Variants in IRS1 observed in about 807,000 individuals in gnomAD.
The protein encoded by IRS1 is insulin receptor substrate 1.
A neutral mutation model predicts 65.6 loss-of-function variants in IRS1; 34 were observed. The observed-to-expected ratio is 0.52, with a 90% confidence interval of 0.39 to 0.69. The LOEUF is 0.69. Among genes scored for constraint, IRS1 ranks in the 30% least tolerant of loss-of-function variants. IRS1 has a pLI of 0.00. For synonymous variants in IRS1, 699 were observed against 683.5 expected (o/e 1.02, Z -0.35); for missense variants, 1,641 against 1,720.2 (o/e 0.95, Z 0.81).
chr2:226,744,940 T>TAAA (rs965372046), intron 1 of IRS1, among the ~76,000 whole-genome samples: 2 of 145,652 alleles, frequency 1.4e-5, no homozygotes, highest in Non-Finnish European at 3.0e-5. Context: ...AACTGTTCTT[T>TAAA]AAAAAAAAAA....
chr2:226,791,660 G>C (rs1033200456), intron 1 of IRS1, among the ~76,000 whole-genome samples: 1 of 151,580 alleles, frequency 6.6e-6, no homozygotes, highest in Non-Finnish European at 1.5e-5. Context: ...ACCGCCAGGG[G>C]ACCCGCGGAG....
Position 226,795,665 on chromosome 2 carries a change from C to T in IRS1, c.3074G>A (p.Ser1025Asn), listed in dbSNP as rs748859206. 33 of 1,612,988 alleles carry T rather than the reference C, an allele frequency of 2.0e-5. No homozygotes were observed. The South Asian group carries it at 3.2e-4, about 16-fold the overall frequency. ...MRTGIAAEEV[S>N]LPRATMAAAS... ...AGCAGCCATGGTGGCCCTGGGCAGGCTCACCTCCTCTGCAGCAATGCCTGT... is the reference window on the plus strand; with the variant it reads ...AGCAGCCATGGTGGCCCTGGGCAGGTTCACCTCCTCTGCAGCAATGCCTGT... Residue 1025 changes from serine to asparagine, a missense_variant, in exon 1 of 2, where the codon AGC becomes AAC. Around this residue, in one of 3 missense-constraint regions of IRS1, gnomAD observed 1,324 missense variants for 1,361.0 expected, o/e 0.97. Coordinates refer to ENST00000305123, the MANE Select transcript of IRS1 (RefSeq NM_005544.3).
chr2:226,778,357 T>G (rs1157616486), intron 1 of IRS1, among the ~76,000 whole-genome samples: 2 of 152,196 alleles, frequency 1.3e-5, no homozygotes, highest in Non-Finnish European at 2.9e-5. Context: ...AAAGCTGTTA[T>G]CCACTAGAAA....
intron 1 of IRS1, among the ~76,000 whole-genome samples, chr2:226,760,878 G>T (rs1304529743): frequency 6.6e-6 from 1 of 152,172 alleles, no homozygotes; most frequent in African/African-American, 2.4e-5. Flanking sequence ...TGCCATCAAA[G>T]CTGTCTGAAG....
In IRS1 at chr2:226,799,640, T is replaced by C; in HGVS notation, c.-902A>G. On this transcript the variant is annotated 5_prime_UTR_variant, in exon 1 of 2. Coordinates refer to ENST00000305123, the MANE Select transcript of IRS1 (RefSeq NM_005544.3). The surrounding 1 kb of genome is among the most constrained non-coding windows in gnomAD (Gnocchi z 6.1). ...CCTGTTCCTCGGGAGGCGCTGCCGCTGCAGTTACTTCTCCCCTCCTCCCTC... is the reference window on the plus strand; with the variant it reads ...CCTGTTCCTCGGGAGGCGCTGCCGCCGCAGTTACTTCTCCCCTCCTCCCTC... The C allele has an allele frequency of 1.0e-6, 1 of 1,003,020 alleles. No homozygotes were observed. The allele number at this position is 1,003,020 out of a possible 1,614,324, so 62.1% of individuals were successfully genotyped here. A position where few individuals can be genotyped will look rare whatever the true frequency, so the allele number is the denominator to read the frequency against.
At chr2:226,773,497 T>C (rs537385278) in intron 1 of IRS1, among the ~76,000 whole-genome samples, 1 of 152,030 alleles carries the variant, frequency 6.6e-6, no homozygotes, top group South Asian at 2.1e-4. Context: ...GGAATTCTAC[T>C]GCAAGAATTA....
chr2:226,768,697 C>G (rs534223815), intron 1 of IRS1, among the ~76,000 whole-genome samples: 1 of 152,150 alleles, frequency 6.6e-6, no homozygotes. Flanking sequence ...CTTGTAGTGG[C>G]GCTATCTCGG....
At chr2:226,785,594 C>A (rs1349743921) in intron 1 of IRS1, among the ~76,000 whole-genome samples, 1 of 152,164 alleles carries the variant, frequency 6.6e-6, no homozygotes, top group African/African-American at 2.4e-5. Flanking sequence ...CAGAGTGAGA[C>A]TCCGTCTCAA....
chr2:226,763,180 G>GA (rs980684702), intron 1 of IRS1, among the ~76,000 whole-genome samples: 4 of 152,268 alleles, frequency 2.6e-5, no homozygotes, highest in African/African-American at 7.2e-5. Flanking sequence ...ATGCATTGCT[G>GA]AAGGCCTTGT....
chr2:226,797,028 G>A lies in IRS1; in HGVS notation c.1711C>T (p.His571Tyr). The A allele has an allele frequency of 6.2e-7, 1 of 1,607,130 alleles. No individual in the cohort carries two copies. Among genetic ancestry groups the A allele is most frequent in the Non-Finnish European group, 8.5e-7 (1 of 1,175,366 alleles). Residue 571 changes from histidine to tyrosine, a missense_variant, in exon 1 of 2, where the codon CAC becomes TAC. Around this residue, in one of 3 missense-constraint regions of IRS1, gnomAD observed 1,324 missense variants for 1,361.0 expected, o/e 0.97. Coordinates refer to ENST00000305123, the MANE Select transcript of IRS1 (RefSeq NM_005544.3). The surrounding 1 kb of genome is among the most constrained non-coding windows in gnomAD (Gnocchi z 8.1). ...GTGGGCACGAAGGCGGAGTGCCTGTGTCCCGGCAGTCGGCCTCCACTGCCA... is the reference window on the plus strand; with the variant it reads ...GTGGGCACGAAGGCGGAGTGCCTGTATCCCGGCAGTCGGCCTCCACTGCCA... ...GGGSGGRLPG[H>Y]RHSAFVPTRS...
At chr2:226,760,454 T>A (rs759253551) in intron 1 of IRS1, among the ~76,000 whole-genome samples, 2 of 152,150 alleles carry the variant, frequency 1.3e-5, no homozygotes, top group Non-Finnish European at 2.9e-5. Flanking sequence ...AGATAGCAAA[T>A]CTAATAGTGT....
At chr2:226,757,622 T>C (rs964061681) in intron 1 of IRS1, among the ~76,000 whole-genome samples, 2 of 152,200 alleles carry the variant, frequency 1.3e-5, no homozygotes, top group African/African-American at 2.4e-5. Context: ...CCTCCTGACA[T>C]CTCTCATCTC....
chr2:226,736,389 G>A (rs1431386057), intron 1 of IRS1, 139 bp from the exon 2 acceptor site: 2 of 152,094 alleles, frequency 1.3e-5, no homozygotes, highest in African/African-American at 2.4e-5. Flanking sequence ...ACCTAAATAT[G>A]ATCAACAAAC....
chr2:226,743,628 A>T (rs1938484514), intron 1 of IRS1, among the ~76,000 whole-genome samples: 1 of 152,232 alleles, frequency 6.6e-6, no homozygotes, highest in Non-Finnish European at 1.5e-5. Flanking sequence ...TGAGAATGTC[A>T]TACGAATGTC....
At chr2:226,760,979 C>T (rs181093545) in intron 1 of IRS1, among the ~76,000 whole-genome samples, 81 of 152,106 alleles carry the variant, frequency 5.3e-4, no homozygotes, top group African/African-American at 1.9e-3. Flanking sequence ...GATTGTGAAA[C>T]CTAACCCTAG....
At chr2:226,792,592 C>A (rs1939633321) in intron 1 of IRS1, among the ~76,000 whole-genome samples, 1 of 152,164 alleles carries the variant, frequency 6.6e-6, no homozygotes, top group Non-Finnish European at 1.5e-5. Flanking sequence ...CAGTGCTTCA[C>A]AAGTGTTCTC....
chr2:226,796,240 G>A lies in IRS1; in HGVS notation c.2499C>T (p.His833=), dbSNP rs577594552. 1 of 1,613,472 alleles carries A rather than the reference G, an allele frequency of 6.2e-7. No homozygotes were observed. Among genetic ancestry groups the A allele is most frequent in the African/African-American group, 1.3e-5 (1 of 75,070 alleles). Residue 833 remains histidine, a synonymous_variant, in exon 1 of 2, where the codon CAC becomes CAT. Coordinates refer to ENST00000305123, the MANE Select transcript of IRS1 (RefSeq NM_005544.3). ...ARLEPSLPHP[H]HQVLQPHLPR... ...GCAGATGGGGCTGCAGAACCTGATG[G>A]TGGGGATGTGGAAGGCTGGGCTCCA...
Position 226,796,933 on chromosome 2 carries a change from G to A in IRS1, c.1806C>T (p.Asp602=), listed in dbSNP as rs766312449. ...LERRGGHHRP[D]SSTLHTDDGY... is the part of the protein sequence containing the mutation. ...CATCATCCGTGTGGAGGGTGGAGCT[G>A]TCTGGGCGGTGGTGCCCCCCCCGAC... The change falls in exon 1 of 2, where the codon GAC becomes GAT. Residue 602 remains aspartate, a synonymous_variant. Coordinates refer to ENST00000305123, the MANE Select transcript of IRS1 (RefSeq NM_005544.3). 26 of 1,554,218 alleles carry A rather than the reference G, an allele frequency of 1.7e-5. 1 individual carries two copies. The South Asian group carries it at 3.2e-4, about 19-fold the overall frequency.
chr2:226,792,527 G>A (rs1342894895), intron 1 of IRS1: 1 of 152,362 alleles, frequency 6.6e-6, no homozygotes, highest in Non-Finnish European at 1.5e-5. Context: ...GGCAGAAAAG[G>A]TCACTGGACT....
Sources: gnomAD v4.1 joint callset for allele counts (sites outside exome capture counted in the v4.1 genomes callset) on GRCh38, gnomAD v4.1.1 for gene constraint, gnomAD v4.1.1 regional missense constraint, Gnocchi (gnomAD v3.1) non-coding constraint, MANE v1.5 for transcripts, NCBI Gene and HGNC (gene_info 2026-07-23, HGNC 2026-07-21) for gene names.